Variants in KIF3C observed in about 807,000 individuals in gnomAD.
The protein encoded by KIF3C is kinesin-like protein KIF3C.
In KIF3C, 12 loss-of-function variants were observed where a neutral mutation model predicts 67.7. That is an observed-to-expected ratio of 0.18 (90% CI 0.11 to 0.29). KIF3C has a LOEUF of 0.29. Among genes scored for constraint, KIF3C ranks in the 10% least tolerant of loss-of-function variants. KIF3C has a pLI of 1.00. For missense variants in KIF3C, 789 were observed against 1,059.6 expected, an observed-to-expected ratio of 0.74 and a Z score of 3.55; for synonymous variants, 393 against 426.2, an observed-to-expected ratio of 0.92 and a Z score of 0.96.
chr2:25,961,961 A>G (rs1313447425), intron 1 of KIF3C, among the ~76,000 whole-genome samples: 1 of 151,688 alleles, frequency 6.6e-6, no homozygotes, highest in East Asian at 1.9e-4. Context: ...AAAAAAAAAA[A>G]AAGACTCTGT....
At position 25,934,829 on chromosome 2, in the gene KIF3C, G is replaced by A. The variant is rs1216269629; in HGVS notation, c.2007-4766C>T. Reference sequence around the variant, plus strand: ...AATCCCCACGCTTTGGGAGGCCGAGGTGGGAGGATCATCTGAGGCCAGGAG... The same window carrying A: ...AATCCCCACGCTTTGGGAGGCCGAGATGGGAGGATCATCTGAGGCCAGGAG... On this transcript the variant is annotated intron_variant, in intron 5 of 7. Transcript: ENST00000264712. Among the ~76,000 whole-genome samples, 14 of 152,256 alleles carry A rather than the reference G, an allele frequency of 9.2e-5. No homozygotes were observed. In the East Asian group the frequency reaches 2.7e-3, roughly 29 times the overall value.
At chr2:25,952,411 T>A (rs556598027) in intron 4 of KIF3C, among the ~76,000 whole-genome samples, 1 of 152,192 alleles carries the variant, frequency 6.6e-6, no homozygotes, top group African/African-American at 2.4e-5. Flanking sequence ...ACAGAAATAC[T>A]GCAGCTTGAA....
chr2:25,948,268 G>T (rs559886474), intron 5 of KIF3C, among the ~76,000 whole-genome samples: 1 of 151,774 alleles, frequency 6.6e-6, no homozygotes, highest in South Asian at 2.1e-4. Flanking sequence ...AGGAGGGGAA[G>T]TCCAGGCTGG....
At chr2:25,936,553 G>A (rs1294529906) in intron 5 of KIF3C, among the ~76,000 whole-genome samples, 2 of 152,112 alleles carry the variant, frequency 1.3e-5, no homozygotes, top group Admixed American at 6.6e-5. Flanking sequence ...ATATGTATCT[G>A]TATGCCTGCC....
rs368323690 is a variant in KIF3C at position 25,929,089 on chromosome 2, C to T, written c.2289-18G>A. On this transcript the variant is annotated intron_variant, in intron 7 of 7. Transcript: ENST00000264712. ...TCTGGCACCTGCAGGGGAGATGACG[C>T]AGGCGAAAGGGGAGGTTAGGGAAAT... 1.6e-5 allele frequency: 25 copies of T among 1,605,582 alleles called. No individual in the cohort carries two copies. The highest frequency in any genetic ancestry group is 3.4e-6 in the Non-Finnish European group (4 of 1,173,074).
At chr2:25,948,802 C>T (rs1663518133) in intron 5 of KIF3C, among the ~76,000 whole-genome samples, 1 of 151,460 alleles carries the variant, frequency 6.6e-6, no homozygotes, top group Non-Finnish European at 1.5e-5. Context: ...CTCATTCGAA[C>T]TTCAGGTAAA....
intron 5 of KIF3C, among the ~76,000 whole-genome samples, chr2:25,945,306 A>G (rs761047575): frequency 2.0e-5 from 3 of 152,162 alleles, no homozygotes; most frequent in Non-Finnish European, 4.4e-5. Context: ...AGAAAACACT[A>G]TAAAAGCTGC....
In KIF3C at chr2:25,927,959, C is replaced by G. The variant is rs560800451; in HGVS notation, c.*1019G>C. On this transcript the variant is annotated 3_prime_UTR_variant, in exon 8 of 8. Coordinates refer to ENST00000264712, the MANE Select transcript of KIF3C (RefSeq NM_002254.8). ...TCAGAAACAGGGGTAACAGGCAAAG[C>G]TGGAAAAGATTGTGCCTGGGCTTCT... is the stretch of plus-strand genomic sequence containing the variant. 7.2e-5 allele frequency: 11 copies of G among 152,680 alleles called. No individual in the cohort carries two copies. The highest frequency in any genetic ancestry group is 2.2e-4 in the African/African-American group (9 of 41,552). The allele number at this position is 152,680 out of a possible 1,614,324, so 9.5% of individuals were successfully genotyped here. A position where few individuals can be genotyped will look rare whatever the true frequency, so the allele number is the denominator to read the frequency against.
At position 25,929,998 on chromosome 2, in the gene KIF3C, T is replaced by C; in HGVS notation, c.2072A>G (p.Tyr691Cys). The C allele has an allele frequency of 6.2e-7, 1 of 1,614,128 alleles. No individual in the cohort carries two copies. The highest frequency in any genetic ancestry group is 8.5e-7 in the Non-Finnish European group (1 of 1,179,946). ...AVGYKRPISQ[Y>C]ARVAMAMGSH... Reference sequence around the variant, plus strand: ...CCCCATTGCCATGGCAACCCGAGCATACTGGCTGATAGGCCTCTTGTAGCC... The same window carrying C: ...CCCCATTGCCATGGCAACCCGAGCACACTGGCTGATAGGCCTCTTGTAGCC... The change falls in exon 6 of 8, where the codon TAT (tyrosine) becomes TGT (cysteine). Residue 691 changes from tyrosine to cysteine, a missense_variant. Physicochemically the swap from Tyr to Cys is radical, Grantham distance 194 (BLOSUM62 -2). Coordinates refer to ENST00000264712, the MANE Select transcript of KIF3C (RefSeq NM_002254.8).
chr2:25,954,296 C>G lies in KIF3C; in HGVS notation c.1860G>C (p.Gln620His). The G allele has an allele frequency of 6.2e-7, 1 of 1,614,148 alleles. No homozygotes were observed. Among genetic ancestry groups the G allele is most frequent in the Non-Finnish European group, 8.5e-7 (1 of 1,180,000 alleles). Residue 620 changes from glutamine (Q) to histidine (H), a missense_variant, in exon 4 of 8, where the codon CAG (glutamine) becomes CAC (histidine). Gln to His is a conservative substitution (Grantham distance 24). Coordinates refer to ENST00000264712, the MANE Select transcript of KIF3C (RefSeq NM_002254.8). ...IRVRQDLEEA[Q>H]NEQTRELKLK... is the part of the protein sequence containing the mutation. ...GCTTGAGTTCGCGGGTCTGCTCGTT[C>G]TGCGCCTCCTCCAGGTCCTGCCGCA... is the stretch of plus-strand genomic sequence containing the variant.
intron 5 of KIF3C, among the ~76,000 whole-genome samples, chr2:25,940,401 T>C (rs182944388): frequency 4.3e-4 from 65 of 151,862 alleles, no homozygotes; most frequent in Non-Finnish European, 7.2e-4. Flanking sequence ...TGAAACCCCA[T>C]CTCTACTAAA....
intron 1 of KIF3C, among the ~76,000 whole-genome samples, chr2:25,967,206 T>C (rs1314476766): frequency 3.3e-5 from 5 of 152,112 alleles, no homozygotes; most frequent in Non-Finnish European, 7.4e-5. Flanking sequence ...GTGAGAGTCT[T>C]ATGGGGGTCT....
In KIF3C at chr2:25,951,803, C is replaced by G. The variant is rs775006477; in HGVS notation, c.1992G>C (p.Leu664=). ...CEEEQWKFQP[L]VPAGVSSSQM... ...TAGAGACTCACACGCCGGCTGGCAC[C>G]AGTGGCTGGAACTTCCACTGCTCCT... The change falls in exon 5 of 8, where the codon CTG becomes CTC. Residue 664 remains leucine (L), a synonymous_variant. Transcript: ENST00000264712. 34 of 1,612,944 alleles carry G rather than the reference C, an allele frequency of 2.1e-5. No individual in the cohort carries two copies. The highest frequency in any genetic ancestry group is 5.5e-5 in the South Asian group (5 of 91,044).
At chr2:25,933,316 G>C (rs1245624025) in intron 5 of KIF3C, among the ~76,000 whole-genome samples, 1 of 151,488 alleles carries the variant, frequency 6.6e-6, no homozygotes, top group African/African-American at 2.4e-5. Flanking sequence ...ATATACAAAT[G>C]GTTGATAAGC....
Position 25,928,915 on chromosome 2 carries a change from T to G in KIF3C, c.*63A>C. 1 of 1,405,024 alleles carries G rather than the reference T, an allele frequency of 7.1e-7. No homozygotes were observed. The highest frequency in any genetic ancestry group is 1.0e-6 in the Non-Finnish European group (1 of 1,002,860). The allele number at this position is 1,405,024 out of a possible 1,614,324, so 87.0% of individuals were successfully genotyped here. A position where few individuals can be genotyped will look rare whatever the true frequency, so the allele number is the denominator to read the frequency against. ...CACACGCACCAAGCGGCAGATGAGA[T>G]GAGCCAGGGTTGGCTGCCCCATCCC... On this transcript the variant is annotated 3_prime_UTR_variant, in exon 8 of 8. Transcript: ENST00000264712.
intron 1 of KIF3C, among the ~76,000 whole-genome samples, chr2:25,979,843 C>G (rs1664518145): frequency 1.3e-5 from 2 of 152,206 alleles, no homozygotes; most frequent in South Asian, 2.1e-4. Context: ...TTCCTCACCT[C>G]TGAAATGGGG....
chr2:25,962,675 C>T (rs1048818766), intron 1 of KIF3C, among the ~76,000 whole-genome samples: 2 of 142,354 alleles, frequency 1.4e-5, no homozygotes, highest in African/African-American at 5.2e-5. Context: ...CTGTGCCTGG[C>T]CCTTTTTTCA....
At chr2:25,961,437 C>G (rs764762557) in intron 1 of KIF3C, among the ~76,000 whole-genome samples, 2 of 152,220 alleles carry the variant, frequency 1.3e-5, no homozygotes, top group Non-Finnish European at 2.9e-5. Context: ...AACAGAATTT[C>G]TAGCCTATGT....
intron 1 of KIF3C, among the ~76,000 whole-genome samples, chr2:25,962,234 C>A (rs569716707): frequency 1.3e-5 from 2 of 152,142 alleles, no homozygotes; most frequent in Non-Finnish European, 1.5e-5. Context: ...TCTGGGGACA[C>A]GTTTTTAACC....
Sources: allele counts gnomAD v4.1 joint callset (sites outside exome capture counted in the v4.1 genomes callset), GRCh38; gene constraint gnomAD v4.1.1; transcripts MANE v1.5; gene names NCBI Gene and HGNC (gene_info 2026-07-23, HGNC 2026-07-21).